NOS1AP: variants seen among roughly 807,000 people sequenced by gnomAD.
NOS1AP encodes carboxyl-terminal PDZ ligand of neuronal nitric oxide synthase protein.
In NOS1AP, 21 loss-of-function variants were observed where a neutral mutation model predicts 56.2. That is an observed-to-expected ratio of 0.37 (90% CI 0.26 to 0.54). The LOEUF is 0.54. NOS1AP is among the 20% of genes least tolerant of loss of function. The pLI is 0.84. For missense variants in NOS1AP, 522 were observed against 657.8 expected, an observed-to-expected ratio of 0.79 and a Z score of 2.26; for synonymous variants, 270 against 274.6, an observed-to-expected ratio of 0.98 and a Z score of 0.17.
At chr1:162,147,318 C>T (rs1471021508) in intron 1 of NOS1AP, among the ~76,000 whole-genome samples, 7 of 128,658 alleles carry the variant, frequency 5.4e-5, no homozygotes, top group Admixed American at 2.8e-4. Flanking sequence ...GGCGACAGAG[C>T]GAGACTCCGT....
intron 1 of NOS1AP, among the ~76,000 whole-genome samples, chr1:162,103,970 G>A (rs1023915283): frequency 4.6e-5 from 7 of 152,176 alleles, no homozygotes; most frequent in African/African-American, 1.7e-4. Context: ...TGGTTATTTT[G>A]CAGACTTGTT....
In NOS1AP at chr1:162,236,124, A is replaced by AGATTC. The variant is rs1653281959; in HGVS notation, c.178-51219_178-51215dup. Among the ~76,000 whole-genome samples the AGATTC allele has an allele frequency of 2.0e-5, 3 of 152,238 alleles. No individual in the cohort carries two copies. The South Asian group carries it at 6.2e-4, about 32-fold the overall frequency. ...GTTCCACAGATGTTAACTGATCACCAGATTCTGTGTATCAGGGTCTTTGAT... is the reference window on the plus strand; with the variant it reads ...GTTCCACAGATGTTAACTGATCACCAGATTCGATTCTGTGTATCAGGGTCTTTGAT... On this transcript the variant is annotated intron_variant, in intron 2 of 9. Coordinates refer to ENST00000361897, the MANE Select transcript of NOS1AP (RefSeq NM_014697.3).
chr1:162,095,672 C>T lies in NOS1AP; in HGVS notation c.105+25390C>T, dbSNP rs1017019660. On this transcript the variant is annotated intron_variant, in intron 1 of 9. Coordinates refer to ENST00000361897, the MANE Select transcript of NOS1AP (RefSeq NM_014697.3). ...CGCCTGTATGTGGGGTTCCCTCATCCGGTGAGTGGGGTTACTTGTGTCACA... is the reference window on the plus strand; with the variant it reads ...CGCCTGTATGTGGGGTTCCCTCATCTGGTGAGTGGGGTTACTTGTGTCACA... 3.9e-5 allele frequency among the ~76,000 whole-genome samples: 6 copies of T among 152,254 alleles called. No individual in the cohort carries two copies. In the South Asian group the frequency reaches 6.2e-4, roughly 16 times the overall value.
intron 3 of NOS1AP, among the ~76,000 whole-genome samples, chr1:162,298,301 T>C (rs1360391914): frequency 1.3e-5 from 2 of 152,232 alleles, no homozygotes; most frequent in African/African-American, 2.4e-5. Flanking sequence ...CCGTTTCCCA[T>C]GTGGTGTCTG....
At chr1:162,095,873 T>G (rs373164287) in intron 1 of NOS1AP, among the ~76,000 whole-genome samples, 1 of 152,228 alleles carries the variant, frequency 6.6e-6, no homozygotes, top group Non-Finnish European at 1.5e-5. Flanking sequence ...GTGAATAAAC[T>G]GTAAAGCACC....
At chr1:162,343,699 T>G in intron 5 of NOS1AP, 136 bp from the exon 6 acceptor site, 3 of 944,096 alleles carry the variant, frequency 3.2e-6, no homozygotes, top group Non-Finnish European at 5.2e-6. Context: ...GGGAAATGTC[T>G]TTGCACTCAT....
chr1:162,120,008 G>A (rs1487339164), intron 1 of NOS1AP, among the ~76,000 whole-genome samples: 1 of 151,960 alleles, frequency 6.6e-6, no homozygotes, highest in African/African-American at 2.4e-5. Context: ...GCTGCTGGTG[G>A]GAGTGTAAAT....
chr1:162,229,270 G>T (rs772610752), intron 2 of NOS1AP, among the ~76,000 whole-genome samples: 3 of 152,150 alleles, frequency 2.0e-5, no homozygotes, highest in Non-Finnish European at 4.4e-5. Flanking sequence ...TTGCTCCTGA[G>T]AACACAACTC....
intron 2 of NOS1AP, among the ~76,000 whole-genome samples, chr1:162,235,710 A>G (rs1266559700): frequency 6.6e-6 from 1 of 152,204 alleles, no homozygotes; most frequent in Admixed American, 6.5e-5. Flanking sequence ...GCCAAGGGGC[A>G]GTTACAAGAA....
rs1256642611 is a variant in NOS1AP, at chr1:162,070,058, C to T, written c.-120C>T. The T allele has an allele frequency of 2.7e-6, 2 of 736,998 alleles. No individual in the cohort carries two copies. Among genetic ancestry groups the T allele is most frequent in the African/African-American group, 3.7e-5 (2 of 53,964 alleles). 45.7% of individuals were successfully genotyped at this position (736,998 alleles called of 1,614,324 possible). ...CCGCGCGGCCAGGGCTCCCCCTGCC[C>T]AGCGCTCCCAGGCCCCGCCACGCGT... On this transcript the variant is annotated 5_prime_UTR_variant, in exon 1 of 10. Transcript: ENST00000361897.
At chr1:162,233,448 A>G (rs1653191258) in intron 2 of NOS1AP, among the ~76,000 whole-genome samples, 1 of 152,152 alleles carries the variant, frequency 6.6e-6, no homozygotes, top group Non-Finnish European at 1.5e-5. Flanking sequence ...TAAAAATAAC[A>G]TCTTTATTGA....
Position 162,367,450 on chromosome 1 carries a change from G to A in NOS1AP, c.1504G>A (p.Asp502Asn). 6.4e-7 allele frequency: 1 copy of A among 1,566,258 alleles called. No individual in the cohort carries two copies. The highest frequency in any genetic ancestry group is 8.7e-7 in the Non-Finnish European group (1 of 1,152,346). The change falls in exon 10 of 10, where the codon GAT becomes AAT. Residue 502 changes from aspartate (D) to asparagine (N), a missense_variant. Asp to Asn is a conservative substitution (Grantham distance 23). Transcript: ENST00000361897. The surrounding 1 kb of genome is among the most constrained non-coding windows in gnomAD (Gnocchi z 6.5). ...QRQELGDGLD[D>N]EIAV is the part of the protein sequence containing the mutation. ...GCAGGAACTGGGCGACGGCCTGGATGATGAGATCGCCGTGTAGGTGCCGAG... is the reference window on the plus strand; with the variant it reads ...GCAGGAACTGGGCGACGGCCTGGATAATGAGATCGCCGTGTAGGTGCCGAG...
At chr1:162,289,506 G>A (rs1346052050) in intron 3 of NOS1AP, among the ~76,000 whole-genome samples, 3 of 111,506 alleles carry the variant, frequency 2.7e-5, no homozygotes, top group African/African-American at 3.6e-5. Flanking sequence ...ACGGAGTCTC[G>A]CTCTGTCGCC....
intron 5 of NOS1AP, among the ~76,000 whole-genome samples, chr1:162,336,284 G>A (rs13375729): frequency 0.037 from 5,625 of 152,220 alleles, 375 homozygotes; most frequent in African/African-American, 0.13. Flanking sequence ...GGAAAATGGG[G>A]CCTAAAGGTA....
At chr1:162,110,149 C>T (rs2102039660) in intron 1 of NOS1AP, among the ~76,000 whole-genome samples, 1 of 152,126 alleles carries the variant, frequency 6.6e-6, no homozygotes, top group Admixed American at 6.5e-5. Context: ...GCTTTGCTCT[C>T]ATTGAATAAA....
Position 162,360,691 on chromosome 1 carries a change from C to G in NOS1AP, c.939+3555C>G, listed in dbSNP as rs891770788. 2.5e-5 allele frequency: 10 copies of G among 397,952 alleles called. No homozygotes were observed. In the Admixed American group the frequency reaches 2.7e-4, roughly 11 times the overall value. The allele number at this position is 397,952 out of a possible 1,614,324, so 24.7% of individuals were successfully genotyped here. A position where few individuals can be genotyped will look rare whatever the true frequency, so the allele number is the denominator to read the frequency against. Reference sequence around the variant, plus strand: ...CAAAACTCCGCATCCCCACCCCAGGCCCTCTATTTAGCATATGTCCCTGTG... The same window carrying G: ...CAAAACTCCGCATCCCCACCCCAGGGCCTCTATTTAGCATATGTCCCTGTG... On this transcript the variant is annotated intron_variant, in intron 8 of 9. Transcript: ENST00000361897.
chr1:162,097,509 G>A (rs10918671), intron 1 of NOS1AP, among the ~76,000 whole-genome samples: 77,124 of 152,078 alleles, frequency 0.51, 21,725 homozygotes, highest in Non-Finnish European at 0.64. Flanking sequence ...AGGTTTTAAA[G>A]TTTGCCTTTC....
At position 162,282,875 on chromosome 1, in the gene NOS1AP, C is replaced by T. The variant is rs537032238; in HGVS notation, c.178-4469C>T. 3.3e-3 allele frequency among the ~76,000 whole-genome samples: 497 copies of T among 152,308 alleles called. 9 individuals carry two copies. Among genetic ancestry groups the T allele is most frequent in the Non-Finnish European group, 2.6e-3 (178 of 68,032 alleles). ...CCTTGGTGAAGTTGCCTTTGAGCAC[C>T]TTGACTCATAAGCAGGTCTTGGCTG... On this transcript the variant is annotated intron_variant, in intron 2 of 9. Transcript: ENST00000361897.
rs930457898 is a variant in NOS1AP, at chr1:162,365,220, A to T, written c.940-184A>T. On this transcript the variant is annotated intron_variant, in intron 8 of 9. Coordinates refer to ENST00000361897, the MANE Select transcript of NOS1AP (RefSeq NM_014697.3). ...ACAGCTTCGCAGTGCCAGTGAACCCACTCCTTTTGGCTCCTCCTCTGGAAT... is the reference window on the plus strand; with the variant it reads ...ACAGCTTCGCAGTGCCAGTGAACCCTCTCCTTTTGGCTCCTCCTCTGGAAT... 9 of 1,458,174 alleles carry T rather than the reference A, an allele frequency of 6.2e-6. No individual in the cohort carries two copies. In the East Asian group the frequency reaches 2.2e-4, roughly 36 times the overall value. 90.3% of individuals were successfully genotyped at this position (1,458,174 alleles called of 1,614,324 possible).
Sources: gnomAD v4.1 joint callset for allele counts (sites outside exome capture counted in the v4.1 genomes callset) on GRCh38, gnomAD v4.1.1 for gene constraint, Gnocchi (gnomAD v3.1) non-coding constraint, MANE v1.5 for transcripts, NCBI Gene and HGNC (gene_info 2026-07-23, HGNC 2026-07-21) for gene names.